SCN2A: variants seen among roughly 807,000 people sequenced by gnomAD.
SCN2A encodes the protein sodium channel protein type 2 subunit alpha.
A neutral mutation model predicts 188.7 loss-of-function variants in SCN2A; 20 were observed. The observed-to-expected ratio is 0.11, with a 90% CI of 0.07 to 0.15. The LOEUF (loss-of-function observed/expected upper bound fraction) is 0.15. SCN2A is among the 10% of genes least tolerant of loss of function. The pLI is 1.00. For missense variants in SCN2A, 1,278 were observed against 2,445.0 expected (o/e 0.52, Z 10.07); for synonymous variants, 804 against 833.1 (o/e 0.97, Z 0.60).
At chr2:165,304,988 A>G (rs1295121310) in intron 3 of SCN2A, among the ~76,000 whole-genome samples, 3 of 152,238 alleles carry the variant, frequency 2.0e-5, no homozygotes, top group Non-Finnish European at 4.4e-5. Context: ...ATTTGGAAAC[A>G]TCAGTTTAGA....
rs529842407 is a variant in SCN2A, at chr2:165,344,665, C to T, written c.2673C>T (p.Ile891=). The change falls in exon 16 of 27, where the codon ATC becomes ATT. Residue 891 remains isoleucine, a synonymous_variant. Coordinates refer to ENST00000375437, the MANE Select transcript of SCN2A (RefSeq NM_001040142.2). ...LGNLTLVLAI[I]VFIFAVVGMQ... The stretch of plus-strand genomic sequence containing the variant: ...ACCTCACCTTGGTATTGGCCATCAT[C>T]GTCTTCATTTTTGCTGTGGTCGGCA... The T allele has an allele frequency of 1.8e-4, 295 of 1,614,046 alleles. 4 individuals are homozygous for T. In the South Asian group the frequency reaches 3.0e-3, roughly 16 times the overall value.
Position 165,284,421 on chromosome 2 carries a change from G to A in SCN2A, c.-51-11352G>A, listed in dbSNP as rs182315001. On this transcript the variant is annotated intron_variant, in intron 1 of 26. Transcript: ENST00000375437. ...CCTGACCTCGTGATCTGCCCACCTC[G>A]GCCTCCCAAAGTGCTGGGTTTACAG... 2.1e-3 allele frequency among the ~76,000 whole-genome samples: 319 copies of A among 152,048 alleles called. 8 individuals carry two copies. Among genetic ancestry groups the A allele is most frequent in the East Asian group, 4.9e-3 (25 of 5,136 alleles).
intron 3 of SCN2A, among the ~76,000 whole-genome samples, chr2:165,303,269 A>AGTTTTTTT (rs1696919516): frequency 1.3e-5 from 1 of 79,764 alleles, no homozygotes; most frequent in Admixed American, 1.7e-4. Context: ...TTGTTATTTG[A>AGTTTTTTT]GTTTTTTTTT....
At chr2:165,253,116 C>T (rs1000807776) in intron 1 of SCN2A, among the ~76,000 whole-genome samples, 4 of 152,014 alleles carry the variant, frequency 2.6e-5, no homozygotes, top group Non-Finnish European at 4.4e-5. Flanking sequence ...ACAGTAATTT[C>T]CTAGAACATG....
At position 165,389,979 on chromosome 2, in the gene SCN2A, C is replaced by T. The variant is rs1282067565; in HGVS notation, c.*155C>T. 3 of 1,249,614 alleles carry T rather than the reference C, an allele frequency of 2.4e-6. No individual in the cohort carries two copies. In the East Asian group the frequency reaches 7.7e-5, roughly 32 times the overall value. The allele number at this position is 1,249,614 out of a possible 1,614,324, so 77.4% of individuals were successfully genotyped here. On this transcript the variant is annotated 3_prime_UTR_variant, in exon 27 of 27. Coordinates refer to ENST00000375437, the MANE Select transcript of SCN2A (RefSeq NM_001040142.2). This position sits in a 1 kb window ranked among gnomAD's most constrained non-coding sequence, Gnocchi z 4.2. The stretch of plus-strand genomic sequence containing the variant: ...TCAGTGCCTATAACAAGACAGAGAC[C>T]TCTGGTCAGCAAACTGGAACTCAGT...
At chr2:165,322,158 A>C (rs1328268906) in intron 11 of SCN2A, among the ~76,000 whole-genome samples, 1 of 152,202 alleles carries the variant, frequency 6.6e-6, no homozygotes, top group Non-Finnish European at 1.5e-5. Flanking sequence ...CTCCAAACTT[A>C]AAGCCAATAT....
Position 165,350,674 on chromosome 2 carries a change from G to A in SCN2A, c.2920-3518G>A, listed in dbSNP as rs556468733. Among the ~76,000 whole-genome samples, 571 of 101,326 alleles carry A rather than the reference G, an allele frequency of 5.6e-3. 2 individuals carry two copies. Among genetic ancestry groups the A allele is most frequent in the African/African-American group, 0.022 (540 of 24,640 alleles). 66.5% of individuals were successfully genotyped at this position (101,326 alleles called of 152,430 possible). ...TTTTTAGTAGAGACGGGGTTTCACC[G>A]TTTTAGCCGGGATGGTCTCGATCTC... On this transcript the variant is annotated intron_variant, in intron 16 of 26. Coordinates refer to ENST00000375437, the MANE Select transcript of SCN2A (RefSeq NM_001040142.2).
chr2:165,345,583 C>G (rs899863036), intron 16 of SCN2A, among the ~76,000 whole-genome samples: 6 of 151,518 alleles, frequency 4.0e-5, no homozygotes, highest in Non-Finnish European at 2.9e-5. Flanking sequence ...AAATATTCCT[C>G]CATCCGTTTT....
intron 14 of SCN2A, among the ~76,000 whole-genome samples, chr2:165,336,213 G>C (rs1168153688): frequency 6.6e-6 from 1 of 151,886 alleles, no homozygotes; most frequent in Non-Finnish European, 1.5e-5. Context: ...GTTTGGGGTA[G>C]AGTTACCACA....
intron 25 of SCN2A, among the ~76,000 whole-genome samples, chr2:165,384,024 T>C (rs943131553): frequency 6.6e-6 from 1 of 151,894 alleles, no homozygotes; most frequent in African/African-American, 2.4e-5. Flanking sequence ...GAGGAAAAGA[T>C]CGAAGACAGA....
intron 2 of SCN2A, 148 bp from the exon 3 acceptor site, chr2:165,296,869 C>T: frequency 2.1e-6 from 1 of 484,630 alleles, no homozygotes; most frequent in Non-Finnish European, 3.7e-6. Context: ...AAAAAAAAAG[C>T]ATCTATCTTC....
chr2:165,297,260 C>A, intron 3 of SCN2A, 125 bp downstream of exon 3: 1 of 652,416 alleles, frequency 1.5e-6, no homozygotes, highest in South Asian at 1.8e-5. Context: ...TCCTTTTACT[C>A]AATCGTTAGC....
At chr2:165,344,266 G>T (rs1699452784) in intron 15 of SCN2A, among the ~76,000 whole-genome samples, 1 of 151,804 alleles carries the variant, frequency 6.6e-6, no homozygotes, top group African/African-American at 2.4e-5. Context: ...AATGCTCTAT[G>T]GTAGCAAGTC....
rs538312478 is a variant in SCN2A at position 165,367,646 on chromosome 2, T to C, written c.3675+275T>C. Among the ~76,000 whole-genome samples the C allele has an allele frequency of 4.6e-5, 7 of 152,330 alleles. No individual in the cohort carries two copies. The South Asian group carries it at 1.4e-3, about 32-fold the overall frequency. ...ACTTTCAGTCATCAGAGGCAGTTCTTATTAAGACTGGTTATGTAGACATGA... is the reference window on the plus strand; with the variant it reads ...ACTTTCAGTCATCAGAGGCAGTTCTCATTAAGACTGGTTATGTAGACATGA... On this transcript the variant is annotated intron_variant, in intron 19 of 26. Transcript: ENST00000375437.
chr2:165,270,974 G>C (rs919015123), intron 1 of SCN2A: 1 of 152,042 alleles, frequency 6.6e-6, no homozygotes. Context: ...TTATCCAAAA[G>C]ATGAGGATGT....
intron 8 of SCN2A, among the ~76,000 whole-genome samples, chr2:165,313,069 G>A (rs1294857016): frequency 6.6e-6 from 1 of 152,084 alleles, no homozygotes; most frequent in Non-Finnish European, 1.5e-5. Flanking sequence ...TCACATGCGA[G>A]GTGCCTGAAG....
chr2:165,263,393 A>G (rs1275266195), intron 1 of SCN2A, among the ~76,000 whole-genome samples: 1 of 152,084 alleles, frequency 6.6e-6, no homozygotes, highest in Non-Finnish European at 1.5e-5. Flanking sequence ...TCCCTCTTGA[A>G]TTGAGTTTTG....
At chr2:165,281,216 A>G (rs1695570819) in intron 1 of SCN2A, among the ~76,000 whole-genome samples, 1 of 152,038 alleles carries the variant, frequency 6.6e-6, no homozygotes, top group Admixed American at 6.6e-5. Context: ...CCCTATCTCT[A>G]AAAAAATAGA....
intron 1 of SCN2A, among the ~76,000 whole-genome samples, chr2:165,274,898 A>G (rs974885182): frequency 2.6e-5 from 4 of 151,846 alleles, no homozygotes; most frequent in African/African-American, 9.7e-5. Flanking sequence ...CAAGCCAAGG[A>G]CATAGAATGG....
Sources: gnomAD v4.1 joint callset for allele counts (sites outside exome capture counted in the v4.1 genomes callset) on GRCh38, gnomAD v4.1.1 for gene constraint, Gnocchi (gnomAD v3.1) non-coding constraint, MANE v1.5 for transcripts, NCBI Gene and HGNC (gene_info 2026-07-23, HGNC 2026-07-21) for gene names.